The following FRMD4A variants were observed in gnomAD, a reference collection of about 807,000 sequenced individuals.
The protein encoded by FRMD4A is FERM domain containing 4A.
A neutral mutation model predicts 129.1 loss-of-function variants in FRMD4A; 29 were observed. That is an observed-to-expected ratio of 0.22 (90% CI 0.17 to 0.31). The LOEUF is 0.31. Among genes scored for constraint, FRMD4A ranks in the 10% least tolerant of loss-of-function variants. The pLI is 1.00. For synonymous variants in FRMD4A, 634 were observed against 571.6 expected, an observed-to-expected ratio of 1.11 and a Z score of -1.56; for missense variants, 1,272 against 1,375.8, an observed-to-expected ratio of 0.92 and a Z score of 1.19.
intron 2 of FRMD4A, among the ~76,000 whole-genome samples, chr10:13,907,965 C>T (rs944191023): frequency 6.6e-6 from 1 of 151,066 alleles, no homozygotes; most frequent in African/African-American, 2.4e-5. Flanking sequence ...CAGGAGTTCA[C>T]GACCAGCCTG....
chr10:13,656,899 G>T lies in FRMD4A; in HGVS notation c.2690C>A (p.Thr897Lys). 4 of 1,484,868 alleles carry T rather than the reference G, an allele frequency of 2.7e-6. No individual in the cohort carries two copies. Among genetic ancestry groups the T allele is most frequent in the Non-Finnish European group, 3.6e-6 (4 of 1,124,458 alleles). The allele number at this position is 1,484,868 out of a possible 1,614,324, so 92.0% of individuals were successfully genotyped here. ...GGDEGDTGRL[T>K]PSRSQILRTP... ...CCGCAGGATCTGCGATCGCGACGGC[G>T]TCAGGCGGCCCGTGTCGCCCTCGTC... The change falls in exon 22 of 25, where the codon ACG becomes AAG. Residue 897 changes from threonine to lysine, a missense_variant. Thr to Lys is a moderately conservative substitution (Grantham distance 78, BLOSUM62 -1). Transcript: ENST00000357447.
At chr10:13,819,197 T>A in intron 3 of FRMD4A, among the ~76,000 whole-genome samples, 1 of 152,082 alleles carries the variant, frequency 6.6e-6, no homozygotes. Flanking sequence ...GCTAGCCTGG[T>A]ATTTAAGACC....
At chr10:13,650,909 C>T (rs1343885942) in intron 24 of FRMD4A, among the ~76,000 whole-genome samples, 2 of 151,680 alleles carry the variant, frequency 1.3e-5, no homozygotes, top group Non-Finnish European at 2.9e-5. Context: ...AAGTGACCCC[C>T]TCATTTCTGA....
At chr10:13,876,761 G>C (rs1247549489) in intron 2 of FRMD4A, among the ~76,000 whole-genome samples, 1 of 151,892 alleles carries the variant, frequency 6.6e-6, no homozygotes, top group East Asian at 1.9e-4. Context: ...GATTAAAATA[G>C]AATGATGTGA....
At chr10:14,076,702 G>A (rs1051287966) in intron 2 of FRMD4A, among the ~76,000 whole-genome samples, 1 of 152,106 alleles carries the variant, frequency 6.6e-6, no homozygotes, top group African/African-American at 2.4e-5. Flanking sequence ...TGGGGGAAAG[G>A]GTCAACGTGG....
At chr10:13,877,193 G>A (rs2094497202) in intron 2 of FRMD4A, among the ~76,000 whole-genome samples, 1 of 152,132 alleles carries the variant, frequency 6.6e-6, no homozygotes, top group African/African-American at 2.4e-5. Context: ...TTCCACCCTT[G>A]GGTCTTTGGT....
chr10:13,823,538 GGGA>G (rs1226347087), intron 3 of FRMD4A, among the ~76,000 whole-genome samples: 1 of 152,202 alleles, frequency 6.6e-6, no homozygotes, highest in East Asian at 1.9e-4. Context: ...GCAACATCTT[GGGA>G]TTCCAAGCTC....
intron 2 of FRMD4A, among the ~76,000 whole-genome samples, chr10:13,875,145 C>T (rs2094475908): frequency 1.3e-5 from 2 of 152,104 alleles, no homozygotes; most frequent in African/African-American, 4.8e-5. Context: ...GACACCGTGG[C>T]GGATGAGAAG....
At chr10:14,218,676 G>A (rs770112667) in intron 2 of FRMD4A, among the ~76,000 whole-genome samples, 6 of 152,070 alleles carry the variant, frequency 3.9e-5, no homozygotes, top group Non-Finnish European at 8.8e-5. Flanking sequence ...CCCACATGTG[G>A]GAATTATGGG....
At chr10:13,868,989 T>C (rs2094408034) in intron 2 of FRMD4A, among the ~76,000 whole-genome samples, 1 of 152,134 alleles carries the variant, frequency 6.6e-6, no homozygotes, top group African/African-American at 2.4e-5. Flanking sequence ...CTCTGCGGGT[T>C]TGCACTTCAA....
intron 2 of FRMD4A, among the ~76,000 whole-genome samples, chr10:14,076,955 T>A (rs185023386): frequency 6.6e-6 from 1 of 152,096 alleles, no homozygotes; most frequent in East Asian, 1.9e-4. Flanking sequence ...AGGGGAGGTG[T>A]CCAAGCTGGA....
At chr10:14,115,652 C>G (rs1304248519) in intron 2 of FRMD4A, among the ~76,000 whole-genome samples, 1 of 152,162 alleles carries the variant, frequency 6.6e-6, no homozygotes, top group Non-Finnish European at 1.5e-5. Flanking sequence ...TGAGTTCTCG[C>G]TCTTAGTTTG....
At chr10:14,016,432 G>A (rs1588780154) in intron 2 of FRMD4A, among the ~76,000 whole-genome samples, 1 of 152,164 alleles carries the variant, frequency 6.6e-6, no homozygotes, top group Non-Finnish European at 1.5e-5. Flanking sequence ...CGGTTTTCCT[G>A]TTGTCTCATT....
rs2083421457 is a variant in FRMD4A at position 13,670,432 on chromosome 10, C to T, written c.1348G>A (p.Glu450Lys). The change falls in exon 17 of 25, where the codon GAA becomes AAA. Residue 450 changes from glutamate (E) to lysine (K), a missense_variant. Transcript: ENST00000357447. ...TCTCCTTTGGGCAGGATTTTCTGTTCATCCAGTTTGAAGGCTGTTCCTATT... is the reference window on the plus strand; with the variant it reads ...TCTCCTTTGGGCAGGATTTTCTGTTTATCCAGTTTGAAGGCTGTTCCTATT... Reference protein sequence around the residue: ...RRIGTAFKLDEQKILPKGEEA... With the variant: ...RRIGTAFKLDKQKILPKGEEA... The T allele has an allele frequency of 6.2e-7, 1 of 1,613,346 alleles. No homozygotes were observed. The highest frequency in any genetic ancestry group is 1.7e-5 in the Admixed American group (1 of 59,988).
intron 2 of FRMD4A, among the ~76,000 whole-genome samples, chr10:13,915,011 C>T (rs908850706): frequency 2.0e-5 from 3 of 152,098 alleles, no homozygotes; most frequent in African/African-American, 7.2e-5. Flanking sequence ...GGGACCTGGC[C>T]TCGAAAACAA....
intron 2 of FRMD4A, among the ~76,000 whole-genome samples, chr10:14,241,299 G>T (rs1260144083): frequency 6.6e-6 from 1 of 152,162 alleles, no homozygotes; most frequent in African/African-American, 2.4e-5. Context: ...TGTACACCAA[G>T]CAAAATCAGC....
At chr10:14,309,478 C>G (rs1280033975) in intron 2 of FRMD4A, among the ~76,000 whole-genome samples, 9 of 152,016 alleles carry the variant, frequency 5.9e-5, no homozygotes, top group Admixed American at 5.9e-4. Context: ...AAACAAACAA[C>G]AACAACAACA....
rs530394531 is a variant in FRMD4A at position 14,155,501 on chromosome 10, C to T, written c.45+174557G>A. Among the ~76,000 whole-genome samples the T allele has an allele frequency of 1.8e-3, 279 of 152,180 alleles. 2 individuals are homozygous for T. The highest frequency in any genetic ancestry group is 0.017 in the Middle Eastern group (5 of 294). ...TTAGCGTCTGTCCCTTCCCATGTGG[C>T]GATTCTCCTTCCTCAATAGCCATAA... is the stretch of plus-strand genomic sequence containing the variant. On this transcript the variant is annotated intron_variant, in intron 2 of 24. Coordinates refer to ENST00000357447, the MANE Select transcript of FRMD4A (RefSeq NM_018027.5).
rs577051089 is a variant in FRMD4A at position 14,246,000 on chromosome 10, G to A, written c.45+84058C>T. Among the ~76,000 whole-genome samples, 13 of 152,220 alleles carry A rather than the reference G, an allele frequency of 8.5e-5. No homozygotes were observed. In the East Asian group the frequency reaches 1.2e-3, roughly 14 times the overall value. ...CAGCAGCCACACAGAACCTCCCTCC[G>A]TCATCTGCCTTTGCCATCATCATTC... On this transcript the variant is annotated intron_variant, in intron 2 of 24. Coordinates refer to ENST00000357447, the MANE Select transcript of FRMD4A (RefSeq NM_018027.5).
Sources: gnomAD v4.1 joint callset for allele counts (sites outside exome capture counted in the v4.1 genomes callset) on GRCh38, gnomAD v4.1.1 for gene constraint, MANE v1.5 for transcripts, NCBI Gene and HGNC (gene_info 2026-07-23, HGNC 2026-07-21) for gene names.